The following COL19A1 variants were observed in gnomAD, a reference collection of about 807,000 sequenced individuals.
COL19A1 encodes the protein collagen type XIX alpha 1 chain.
A neutral mutation model predicts 190.2 loss-of-function variants in COL19A1; 159 were observed. The ratio of observed to expected loss-of-function variants is 0.84; its 90% CI spans 0.73 to 0.95. COL19A1 has a LOEUF of 0.95. COL19A1 is among the 40% of genes least tolerant of loss of function. The pLI is 0.00. For synonymous variants in COL19A1, 509 were observed against 458.9 expected (o/e 1.11, Z -1.39); for missense variants, 1,418 against 1,431.9 (o/e 0.99, Z 0.16).
chr6:69,893,417 C>G (rs2149963176), intron 2 of COL19A1, among the ~76,000 whole-genome samples: 1 of 152,294 alleles, frequency 6.6e-6, no homozygotes, highest in East Asian at 1.9e-4. Context: ...GTTTGGTTAT[C>G]TCCCTAATGG....
intron 15 of COL19A1, among the ~76,000 whole-genome samples, chr6:70,079,142 G>T (rs1782080212): frequency 6.6e-6 from 1 of 152,214 alleles, no homozygotes. Flanking sequence ...TGAAATGGCT[G>T]ATGGGAGTGA....
chr6:70,203,832 G>A lies in COL19A1; in HGVS notation c.3224-3069G>A, dbSNP rs144772264. Among the ~76,000 whole-genome samples, 9 of 152,054 alleles carry A rather than the reference G, an allele frequency of 5.9e-5. No individual in the cohort carries two copies. The East Asian group carries it at 1.7e-3, about 29-fold the overall frequency. On this transcript the variant is annotated intron_variant, in intron 49 of 50. Transcript: ENST00000620364. The stretch of plus-strand genomic sequence containing the variant: ...GTGTTTTATTTGTTTTCCTACATGA[G>A]CTGCAGTTTTATCAAGCTGTCATCC...
chr6:70,030,029 G>A (rs182021320), intron 12 of COL19A1, among the ~76,000 whole-genome samples: 13 of 152,214 alleles, frequency 8.5e-5, no homozygotes, highest in African/African-American at 2.9e-4. Flanking sequence ...AAGGCCATTC[G>A]TCTTCTGACT....
chr6:70,010,623 C>T (rs1777941784), intron 11 of COL19A1, among the ~76,000 whole-genome samples: 1 of 140,086 alleles, frequency 7.1e-6, no homozygotes, highest in Non-Finnish European at 1.5e-5. Flanking sequence ...AATAGGGTCA[C>T]TCCCACCCGA....
Position 70,002,493 on chromosome 6 carries a change from T to C in COL19A1, c.1027-21134T>C, listed in dbSNP as rs1205722741. On this transcript the variant is annotated intron_variant, in intron 11 of 50. Transcript: ENST00000620364. Reference sequence around the variant, plus strand: ...GTGAATCCGTCTGGTCCTGGGCTTTTTTTTTGGTTGGCAGGCTATTAATTA... The same window carrying C: ...GTGAATCCGTCTGGTCCTGGGCTTTCTTTTTGGTTGGCAGGCTATTAATTA... 1.3e-4 allele frequency among the ~76,000 whole-genome samples: 19 copies of C among 151,942 alleles called. 1 individual carries two copies. Among genetic ancestry groups the C allele is most frequent in the Admixed American group, 1.2e-3 (19 of 15,254 alleles).
intron 14 of COL19A1, among the ~76,000 whole-genome samples, chr6:70,052,967 G>C (rs990548052): frequency 2.0e-5 from 3 of 152,096 alleles, no homozygotes; most frequent in Non-Finnish European, 2.9e-5. Context: ...ATATATTAAA[G>C]TAACTGGTGG....
At chr6:70,039,505 AG>A (rs1305886496) in intron 14 of COL19A1, among the ~76,000 whole-genome samples, 3 of 152,206 alleles carry the variant, frequency 2.0e-5, no homozygotes, top group African/African-American at 7.2e-5. Context: ...CTTCTTGAGA[AG>A]GACAACAAGC....
chr6:69,876,607 A>G (rs1453461410), intron 1 of COL19A1, among the ~76,000 whole-genome samples: 1 of 152,214 alleles, frequency 6.6e-6, no homozygotes, highest in Non-Finnish European at 1.5e-5. Flanking sequence ...ATTAGGGCTT[A>G]GAGAAGGTAC....
intron 27 of COL19A1, 143 bp from the exon 28 acceptor site, chr6:70,149,561 G>A (rs779986599): frequency 2.5e-5 from 23 of 922,968 alleles, no homozygotes; most frequent in East Asian, 1.8e-4. Flanking sequence ...AGTCTTGGCC[G>A]ACTTTGCAGT....
At chr6:70,206,486 C>A (rs1276088930) in intron 49 of COL19A1, among the ~76,000 whole-genome samples, 1 of 151,890 alleles carries the variant, frequency 6.6e-6, no homozygotes, top group Non-Finnish European at 1.5e-5. Context: ...AAAAAAATAG[C>A]CAGGAGTGGT....
chr6:69,955,327 TG>T (rs1213685134), intron 9 of COL19A1, among the ~76,000 whole-genome samples: 2 of 152,166 alleles, frequency 1.3e-5, no homozygotes, highest in East Asian at 1.9e-4. Flanking sequence ...GTTTTCTTTT[TG>T]TTTTTTTATT....
intron 15 of COL19A1, among the ~76,000 whole-genome samples, chr6:70,101,790 C>T (rs1279374082): frequency 6.6e-6 from 1 of 152,108 alleles, no homozygotes; most frequent in Non-Finnish European, 1.5e-5. Flanking sequence ...ATTCAGACCC[C>T]TCTTGGACAA....
rs539186850 is a variant in COL19A1 at position 69,942,115 on chromosome 6, C to T, written c.936+4015C>T. Reference sequence around the variant, plus strand: ...ACTGTATAATATTAGTCTTTTGGTGCATTTTACTTTTGGCCCAATGTAATA... The same window carrying T: ...ACTGTATAATATTAGTCTTTTGGTGTATTTTACTTTTGGCCCAATGTAATA... On this transcript the variant is annotated intron_variant, in intron 9 of 50. Coordinates refer to ENST00000620364, the MANE Select transcript of COL19A1 (RefSeq NM_001858.6). Among the ~76,000 whole-genome samples, 157 of 152,222 alleles carry T rather than the reference C, an allele frequency of 1.0e-3. 2 individuals carry two copies. Among genetic ancestry groups the T allele is most frequent in the Admixed American group, 1.8e-3 (27 of 15,280 alleles).
At chr6:70,168,848 T>G (rs534177100) in intron 40 of COL19A1, among the ~76,000 whole-genome samples, 167 bp downstream of exon 40, 1 of 152,220 alleles carries the variant, frequency 6.6e-6, no homozygotes, top group Admixed American at 6.5e-5. Context: ...TCTCTGTTTC[T>G]GAGATGCATT....
At chr6:69,872,144 GT>G (rs908728024) in intron 1 of COL19A1, among the ~76,000 whole-genome samples, 2 of 149,408 alleles carry the variant, frequency 1.3e-5, no homozygotes, top group African/African-American at 4.8e-5. Context: ...TTTTTTGTTT[GT>G]TTTTTTGTTT....
intron 30 of COL19A1, among the ~76,000 whole-genome samples, chr6:70,151,026 G>T (rs1182173850): frequency 6.6e-6 from 1 of 152,072 alleles, no homozygotes. Flanking sequence ...TAGTGTGTTC[G>T]CCAGAGGAAT....
intron 4 of COL19A1, among the ~76,000 whole-genome samples, chr6:69,921,619 C>T (rs540517018): frequency 5.1e-4 from 71 of 138,702 alleles, no homozygotes; most frequent in African/African-American, 1.9e-3. Context: ...GATTCGTATA[C>T]GTATATAGAT....
At chr6:70,148,655 G>A (rs1369731892) in intron 27 of COL19A1, among the ~76,000 whole-genome samples, 1 of 152,134 alleles carries the variant, frequency 6.6e-6, no homozygotes, top group Non-Finnish European at 1.5e-5. Context: ...GGCTGGGCCT[G>A]GTGGCTCACA....
At chr6:70,105,984 A>G (rs901931630) in intron 16 of COL19A1, among the ~76,000 whole-genome samples, 94 of 152,226 alleles carry the variant, frequency 6.2e-4, no homozygotes, top group Non-Finnish European at 1.2e-3. Context: ...GTCTGCAAAG[A>G]ACAAAGGAAT....
Sources: allele counts gnomAD v4.1 joint callset (sites outside exome capture counted in the v4.1 genomes callset), GRCh38; gene constraint gnomAD v4.1.1; transcripts MANE v1.5; gene names NCBI Gene and HGNC (gene_info 2026-07-23, HGNC 2026-07-21).